MAMDC2: variants seen among roughly 807,000 people sequenced by gnomAD.
The protein encoded by MAMDC2 is MAM domain-containing protein 2.
In MAMDC2, 57 loss-of-function variants were observed where a neutral mutation model predicts 89.8. The observed-to-expected ratio is 0.63, with a 90% CI of 0.51 to 0.79. The LOEUF (loss-of-function observed/expected upper bound fraction) is 0.79. Among genes scored for constraint, MAMDC2 ranks in the 30% least tolerant of loss-of-function variants. The pLI, the probability that MAMDC2 is intolerant of heterozygous loss-of-function variation, is 0.00. For synonymous variants in MAMDC2, 313 were observed against 293.4 expected, an observed-to-expected ratio of 1.07 and a Z score of -0.68; for missense variants, 800 against 820.6, an observed-to-expected ratio of 0.97 and a Z score of 0.31.
At chr9:70,140,323 G>C (rs1169580158) in intron 8 of MAMDC2, 35 bp downstream of exon 8, 1 of 1,544,308 alleles carries the variant, frequency 6.5e-7, no homozygotes, top group African/African-American at 1.4e-5. Context: ...GGGACATCTT[G>C]GGTAGTCGTG....
At chr9:70,169,299 G>T (rs1160353705) in intron 10 of MAMDC2, among the ~76,000 whole-genome samples, 1 of 152,114 alleles carries the variant, frequency 6.6e-6, no homozygotes, top group Non-Finnish European at 1.5e-5. Context: ...TAAAGTCATG[G>T]TAGCTAGCTA....
At chr9:70,145,707 T>C (rs2031382511) in intron 9 of MAMDC2, among the ~76,000 whole-genome samples, 1 of 152,216 alleles carries the variant, frequency 6.6e-6, no homozygotes, top group South Asian at 2.1e-4. Context: ...AATAAGCATT[T>C]TATTTATTCA....
chr9:70,104,046 C>T (rs2997706), intron 2 of MAMDC2, among the ~76,000 whole-genome samples: 9,650 of 151,626 alleles, frequency 0.064, 977 homozygotes, highest in African/African-American at 0.21. Flanking sequence ...TGCAAATTTT[C>T]TATTCGATAA....
At position 70,108,336 on chromosome 9, in the gene MAMDC2, G is replaced by C. The variant is rs772915059; in HGVS notation, c.274G>C (p.Glu92Gln). The stretch of plus-strand genomic sequence containing the variant: ...GGTCTACCAGATAACCACATCTTCG[G>C]AGTCTCTGTCAGATCCCAGCCAGCT... ...RLVYQITTSS[E>Q]SLSDPSQLNL... Residue 92 changes from glutamate (E) to glutamine (Q), a missense_variant, in exon 3 of 14, where the codon GAG becomes CAG. By Grantham distance (29) the Glu-to-Gln change is conservative. Coordinates refer to ENST00000377182, the MANE Select transcript of MAMDC2 (RefSeq NM_153267.5). The C allele has an allele frequency of 6.2e-7, 1 of 1,614,084 alleles. No individual in the cohort carries two copies. Among genetic ancestry groups the C allele is most frequent in the East Asian group, 2.2e-5 (1 of 44,854 alleles).
intron 2 of MAMDC2, among the ~76,000 whole-genome samples, chr9:70,058,950 A>G (rs1827085772): frequency 6.6e-6 from 1 of 152,172 alleles, no homozygotes; most frequent in Non-Finnish European, 1.5e-5. Flanking sequence ...TTAACTTGAG[A>G]ACTCCTGTGA....
chr9:70,101,782 G>A (rs1300087317), intron 2 of MAMDC2, among the ~76,000 whole-genome samples: 2 of 152,126 alleles, frequency 1.3e-5, no homozygotes, highest in Non-Finnish European at 2.9e-5. Flanking sequence ...TATCTTCATC[G>A]TTTAGTGATG....
At chr9:70,127,421 T>C (rs1233606887) in intron 6 of MAMDC2, among the ~76,000 whole-genome samples, 1 of 149,196 alleles carries the variant, frequency 6.7e-6, no homozygotes, top group Non-Finnish European at 1.5e-5. Flanking sequence ...CTATAAAGAT[T>C]TGGAGCTATA....
intron 2 of MAMDC2, among the ~76,000 whole-genome samples, chr9:70,074,700 G>A (rs1433212539): frequency 6.6e-6 from 1 of 152,246 alleles, no homozygotes; most frequent in Non-Finnish European, 1.5e-5. Context: ...CCTCTTGCCT[G>A]ACAAGTGTCT....
intron 11 of MAMDC2, among the ~76,000 whole-genome samples, chr9:70,203,190 G>T (rs2033141996): frequency 6.6e-6 from 1 of 152,022 alleles, no homozygotes; most frequent in Non-Finnish European, 1.5e-5. Flanking sequence ...GCAGCGGCTG[G>T]TACCGGTTGT....
intron 2 of MAMDC2, chr9:70,092,884 T>C (rs191203825): frequency 7.6e-4 from 116 of 152,350 alleles, no homozygotes; most frequent in African/African-American, 2.7e-3. Context: ...TCGTAAGTCA[T>C]ATCTTCTCTA....
At chr9:70,069,190 G>A (rs1413761331) in intron 2 of MAMDC2, among the ~76,000 whole-genome samples, 1 of 152,134 alleles carries the variant, frequency 6.6e-6, no homozygotes, top group Non-Finnish European at 1.5e-5. Flanking sequence ...CATCTCATGT[G>A]TGCCATTTCA....
intron 5 of MAMDC2, among the ~76,000 whole-genome samples, chr9:70,119,991 C>A (rs1301967614): frequency 6.6e-6 from 1 of 152,218 alleles, no homozygotes; most frequent in Non-Finnish European, 1.5e-5. Context: ...GGCTGACCAT[C>A]TGTGAATCCT....
rs148564925 is a variant in MAMDC2 at position 70,141,500 on chromosome 9, C to T, written c.1138+1212C>T. ...ATATATACGCAAACAAACTTATAAG[C>T]ACAGGTTGTGGTAAGTGCTGTCAGG... On this transcript the variant is annotated intron_variant, in intron 8 of 13. Transcript: ENST00000377182. 3.3e-4 allele frequency among the ~76,000 whole-genome samples: 50 copies of T among 152,302 alleles called. 1 individual carries two copies. The highest frequency in any genetic ancestry group is 1.2e-3 in the African/African-American group (48 of 41,550).
chr9:70,096,200 T>C (rs752949591), intron 2 of MAMDC2, among the ~76,000 whole-genome samples: 1 of 151,930 alleles, frequency 6.6e-6, no homozygotes, highest in Non-Finnish European at 1.5e-5. Context: ...CTATGTACTG[T>C]AGAGATGGGG....
chr9:70,129,897 G>A (rs1489556005), intron 6 of MAMDC2, among the ~76,000 whole-genome samples: 1 of 152,032 alleles, frequency 6.6e-6, no homozygotes, highest in Non-Finnish European at 1.5e-5. Context: ...TTCCTTCTGA[G>A]GGCCATGAGA....
At chr9:70,218,716 G>A (rs1297925942) in intron 12 of MAMDC2, 120 bp downstream of exon 12, 46 of 1,081,354 alleles carry the variant, frequency 4.3e-5, no homozygotes, top group Non-Finnish European at 5.8e-5. Flanking sequence ...GACAAAGGCA[G>A]GATTAAGAGG....
intron 7 of MAMDC2, among the ~76,000 whole-genome samples, chr9:70,139,912 A>G (rs2031149953): frequency 6.6e-6 from 1 of 152,180 alleles, no homozygotes; most frequent in African/African-American, 2.4e-5. Context: ...TAATGTGAAC[A>G]GTGCTCCTTT....
chr9:70,133,908 T>C (rs1423897238), intron 7 of MAMDC2, among the ~76,000 whole-genome samples: 1 of 152,176 alleles, frequency 6.6e-6, no homozygotes, highest in Non-Finnish European at 1.5e-5. Context: ...GCTTGATGAT[T>C]GTGTCAGCTG....
chr9:70,102,899 C>G (rs865789373), intron 2 of MAMDC2, among the ~76,000 whole-genome samples: 2 of 152,244 alleles, frequency 1.3e-5, no homozygotes, highest in African/African-American at 4.8e-5. Flanking sequence ...CCTGATGCAT[C>G]ACAGTCAACC....
Sources: allele counts gnomAD v4.1 joint callset (sites outside exome capture counted in the v4.1 genomes callset), GRCh38; gene constraint gnomAD v4.1.1; transcripts MANE v1.5; gene names NCBI Gene and HGNC (gene_info 2026-07-23, HGNC 2026-07-21).